Variants in MAPK8 observed in about 807,000 individuals in gnomAD.
MAPK8 encodes the protein mitogen-activated protein kinase 8, also known as JUN N-terminal kinase.
Under a neutral mutation model 52.9 loss-of-function variants are expected in MAPK8, and 13 were observed. The observed-to-expected ratio is 0.25, with a 90% CI of 0.16 to 0.39. MAPK8 has a LOEUF of 0.39. Among genes scored for constraint, MAPK8 ranks in the 10% least tolerant of loss-of-function variants. MAPK8 has a pLI of 1.00. For synonymous variants in MAPK8, 191 were observed against 169.8 expected (o/e 1.12, Z -0.97); for missense variants, 300 against 519.2 (o/e 0.58, Z 4.10).
At chr10:48,323,540 A>T (rs11595056) in intron 1 of MAPK8, among the ~76,000 whole-genome samples, 5,489 of 152,308 alleles carry the variant, frequency 0.036, 136 homozygotes, top group Non-Finnish European at 0.048. Context: ...AATATGAGAG[A>T]TACAAAATGA....
rs571859977 is a variant in MAPK8 at position 48,426,115 on chromosome 10, A to AGTGTGT, written c.871+50_871+55dup. 190 of 1,511,640 alleles carry AGTGTGT rather than the reference A, an allele frequency of 1.3e-4. 2 individuals carry two copies. The African/African-American group carries it at 2.2e-3, about 17-fold the overall frequency. 93.6% of individuals were successfully genotyped at this position (1,511,640 alleles called of 1,614,324 possible). ...ACATTTAATCCCATTTGGGGTGTGT[A>AGTGTGT]GTGTGTGTGTATGGGTTTGTGTGTT... is the stretch of plus-strand genomic sequence containing the variant. On this transcript the variant is annotated intron_variant, in intron 8 of 11. Transcript: ENST00000374189.
intron 1 of MAPK8, among the ~76,000 whole-genome samples, chr10:48,380,850 T>A (rs1359108280): frequency 6.6e-6 from 1 of 152,232 alleles, no homozygotes; most frequent in Non-Finnish European, 1.5e-5. Flanking sequence ...AACAAAGTGA[T>A]AAGTCAGTGA....
In MAPK8 at chr10:48,373,571, C is replaced by CAAAAAAAAAAAAAAAAAAAAAAAAAAAAA. The variant is rs539162576; in HGVS notation, c.-49-28014_-49-28013insAAAAAAAAAAAAAAAAAAAAAAAAAAAAA. On this transcript the variant is annotated intron_variant, in intron 1 of 11. Transcript: ENST00000374189. ...GAAGATTTACCAAGTAAATTGAAAG[C>CAAAAAAAAAAAAAAAAAAAAAAAAAAAAA]AAAAAAAAAAAAAAAAAAAAAAAAA... Among the ~76,000 whole-genome samples the CAAAAAAAAAAAAAAAAAAAAAAAAAAAAA allele has an allele frequency of 2.4e-4, 4 of 16,844 alleles. 1 individual carries two copies. The highest frequency in any genetic ancestry group is 6.3e-4 in the African/African-American group (4 of 6,370). The allele number at this position is 16,844 out of a possible 152,430, so 11.1% of individuals were successfully genotyped here.
At chr10:48,317,654 A>G (rs536914892) in intron 1 of MAPK8, among the ~76,000 whole-genome samples, 2 of 152,310 alleles carry the variant, frequency 1.3e-5, no homozygotes, top group South Asian at 2.1e-4. Flanking sequence ...GTACGGGTAG[A>G]GAGTTTGGCC....
At chr10:48,372,319 C>G (rs940969363) in intron 1 of MAPK8, among the ~76,000 whole-genome samples, 12 of 152,064 alleles carry the variant, frequency 7.9e-5, no homozygotes, top group Admixed American at 5.2e-4. Context: ...CTCTTCTCCT[C>G]CAAAGGATCA....
intron 2 of MAPK8, among the ~76,000 whole-genome samples, chr10:48,403,997 A>T (rs1263770587): frequency 6.8e-6 from 1 of 146,752 alleles, no homozygotes; most frequent in African/African-American, 2.6e-5. Context: ...GTTAGCCGGG[A>T]TGGTCTCGAT....
intron 1 of MAPK8, among the ~76,000 whole-genome samples, chr10:48,349,052 G>A (rs184830993): frequency 0.044 from 6,741 of 151,992 alleles, 220 homozygotes; most frequent in Non-Finnish European, 0.067. Context: ...TAATGGTAAA[G>A]GGATCAATGC....
At chr10:48,363,444 G>A (rs1437653710) in intron 1 of MAPK8, among the ~76,000 whole-genome samples, 1 of 152,030 alleles carries the variant, frequency 6.6e-6, no homozygotes, top group East Asian at 1.9e-4. Context: ...TGATTATATG[G>A]TTGTAAGAAA....
intron 1 of MAPK8, 49 bp from the exon 2 acceptor site, chr10:48,401,563 A>T: frequency 7.4e-7 from 1 of 1,357,734 alleles, no homozygotes; most frequent in Non-Finnish European, 1.0e-6. Context: ...AAATTTTAAG[A>T]TTAAAACAAG....
intron 1 of MAPK8, among the ~76,000 whole-genome samples, chr10:48,312,762 G>A (rs1224590745): frequency 6.6e-6 from 1 of 151,990 alleles, no homozygotes; most frequent in African/African-American, 2.4e-5. Context: ...ATCTAGCTTT[G>A]GCTGTTACTA....
chr10:48,313,090 A>G (rs1049638817), intron 1 of MAPK8, among the ~76,000 whole-genome samples: 1 of 152,216 alleles, frequency 6.6e-6, no homozygotes, highest in African/African-American at 2.4e-5. Flanking sequence ...CAAAATCCCT[A>G]GTAAGAGGTT....
chr10:48,416,226 G>T (rs903722167), intron 5 of MAPK8, among the ~76,000 whole-genome samples: 1 of 152,172 alleles, frequency 6.6e-6, no homozygotes, highest in Non-Finnish European at 1.5e-5. Flanking sequence ...AGCTGACGAG[G>T]TCCCACCATC....
chr10:48,376,278 A>G (rs1044322368), intron 1 of MAPK8, among the ~76,000 whole-genome samples: 13 of 152,228 alleles, frequency 8.5e-5, no homozygotes, highest in Non-Finnish European at 1.6e-4. Flanking sequence ...CTAAAACCAT[A>G]AAAATCCTAG....
chr10:48,391,242 A>G (rs2041605568), intron 1 of MAPK8, among the ~76,000 whole-genome samples: 1 of 152,234 alleles, frequency 6.6e-6, no homozygotes, highest in African/African-American at 2.4e-5. Context: ...TTTTGGTTGC[A>G]CATTAATTCT....
intron 7 of MAPK8, chr10:48,425,384 GAA>G (rs1455083443): frequency 4.3e-5 from 19 of 445,192 alleles, no homozygotes; most frequent in Non-Finnish European, 7.2e-5. Context: ...AATGGCAAAA[GAA>G]AATGCCACTT....
chr10:48,354,166 T>A (rs941463581), intron 1 of MAPK8, among the ~76,000 whole-genome samples: 9 of 152,084 alleles, frequency 5.9e-5, no homozygotes, highest in African/African-American at 2.2e-4. Context: ...AAAAAAAAAT[T>A]TTTTTAAATT....
intron 1 of MAPK8, among the ~76,000 whole-genome samples, chr10:48,388,395 A>G (rs903877840): frequency 3.9e-5 from 6 of 152,156 alleles, no homozygotes; most frequent in African/African-American, 1.2e-4. Context: ...GATGTTACTC[A>G]TCTCAAAGGA....
At chr10:48,372,361 A>G (rs1564543934) in intron 1 of MAPK8, among the ~76,000 whole-genome samples, 1 of 152,130 alleles carries the variant, frequency 6.6e-6, no homozygotes, top group Non-Finnish European at 1.5e-5. Flanking sequence ...ACAAAACTGG[A>G]TGGAGAATGA....
chr10:48,355,222 C>T (rs1846760828), intron 1 of MAPK8, among the ~76,000 whole-genome samples: 1 of 152,104 alleles, frequency 6.6e-6, no homozygotes, highest in Admixed American at 6.5e-5. Flanking sequence ...TAAAAGTCCT[C>T]AATAGGGCTG....
Sources: allele counts gnomAD v4.1 joint callset (sites outside exome capture counted in the v4.1 genomes callset), GRCh38; gene constraint gnomAD v4.1.1; transcripts MANE v1.5; gene names NCBI Gene and HGNC (gene_info 2026-07-23, HGNC 2026-07-21).